UBE3D: variants seen among roughly 807,000 people sequenced by gnomAD.
The protein encoded by UBE3D is ubiquitin protein ligase E3D.
UBE3D carries 48 observed loss-of-function variants against 49.6 expected under a neutral mutation model. That is an observed-to-expected ratio of 0.97 (90% CI 0.77 to 1.23). The LOEUF (loss-of-function observed/expected upper bound fraction) is 1.23. Ranked by LOEUF, UBE3D falls within the 50% of genes most tolerant of loss-of-function variation. UBE3D has a pLI of 0.00. For synonymous variants in UBE3D, 189 were observed against 174.2 expected (o/e 1.08, Z -0.67); for missense variants, 452 against 468.4 (o/e 0.96, Z 0.32).
At chr6:83,001,590 G>A (rs1411918085) in intron 8 of UBE3D, among the ~76,000 whole-genome samples, 5 of 152,138 alleles carry the variant, frequency 3.3e-5, no homozygotes, top group Non-Finnish European at 1.5e-5. Context: ...AGGATGCTGG[G>A]CAATATCTTC....
At position 83,044,664 on chromosome 6, in the gene UBE3D, T is replaced by C. The variant is rs758080570; in HGVS notation, c.366-5A>G. On this transcript the variant is annotated splice_region_variant and splice_polypyrimidine_tract_variant and intron_variant, in intron 3 of 9. Transcript: ENST00000369747. The stretch of plus-strand genomic sequence containing the variant: ...GGGAGCACCCTGAGGAGCTTCCTAG[T>C]GGAAAGAGGAAAAATCATTTTTCAC... The C allele has an allele frequency of 6.9e-6, 11 of 1,601,940 alleles. No homozygotes were observed. Among genetic ancestry groups the C allele is most frequent in the Non-Finnish European group, 9.4e-6 (11 of 1,172,502 alleles).
At chr6:82,971,383 A>G (rs1777341134) in intron 8 of UBE3D, among the ~76,000 whole-genome samples, 1 of 151,890 alleles carries the variant, frequency 6.6e-6, no homozygotes, top group Non-Finnish European at 1.5e-5. Context: ...GGGTTGAGAC[A>G]TAATAAATTA....
intron 5 of UBE3D, among the ~76,000 whole-genome samples, chr6:83,026,198 C>A (rs139656742): frequency 6.6e-6 from 1 of 152,180 alleles, no homozygotes; most frequent in African/African-American, 2.4e-5. Flanking sequence ...TTAATCCCAG[C>A]ACTTTGGAAG....
intron 5 of UBE3D, among the ~76,000 whole-genome samples, chr6:83,033,389 A>T (rs1782017587): frequency 6.6e-6 from 1 of 152,040 alleles, no homozygotes; most frequent in Non-Finnish European, 1.5e-5. Flanking sequence ...TCAGAACTAT[A>T]TCACTGATAT....
intron 1 of UBE3D, among the ~76,000 whole-genome samples, 195 bp from the exon 2 acceptor site, chr6:83,058,217 T>C (rs1032381223): frequency 6.6e-6 from 1 of 152,280 alleles, no homozygotes; most frequent in East Asian, 1.9e-4. Context: ...CAGAGTGCCC[T>C]TCACCATCAC....
chr6:83,060,097 C>T (rs1028806962), intron 1 of UBE3D, among the ~76,000 whole-genome samples: 1 of 152,216 alleles, frequency 6.6e-6, no homozygotes, highest in African/African-American at 2.4e-5. Flanking sequence ...CTAAATCTAA[C>T]TACCTCCCAA....
downstream of UBE3D, among the ~76,000 whole-genome samples, chr6:82,889,190 A>G (rs1770938964): frequency 6.6e-6 from 1 of 152,226 alleles, no homozygotes; most frequent in African/African-American, 2.4e-5. Flanking sequence ...TCATTCCTAC[A>G]TTCCTGAATA....
At chr6:82,884,390 A>C in the UBE3D span, among the ~76,000 whole-genome samples, 2 of 152,202 alleles carry the variant, frequency 1.3e-5, no homozygotes, top group African/African-American at 4.8e-5. Flanking sequence ...ATAAAGTGAC[A>C]GATGCCATGA....
chr6:82,986,628 GAAAA>G (rs1018561133), intron 8 of UBE3D, among the ~76,000 whole-genome samples: 1 of 147,786 alleles, frequency 6.8e-6, no homozygotes, highest in Non-Finnish European at 1.5e-5. Context: ...TAGGTGACTT[GAAAA>G]AAATATATAC....
chr6:83,001,473 T>C (rs933666945), intron 8 of UBE3D, among the ~76,000 whole-genome samples: 2 of 152,218 alleles, frequency 1.3e-5, no homozygotes, highest in African/African-American at 4.8e-5. Flanking sequence ...TCTAGTTTCA[T>C]TGAAAATGCC....
At chr6:82,934,204 C>G (rs1040161469) in intron 9 of UBE3D, among the ~76,000 whole-genome samples, 4 of 152,158 alleles carry the variant, frequency 2.6e-5, no homozygotes, top group African/African-American at 9.7e-5. Flanking sequence ...GCCTTGCTTC[C>G]CCTTCCACCA....
chr6:82,970,988 C>G (rs894302672), intron 8 of UBE3D, among the ~76,000 whole-genome samples: 2 of 152,276 alleles, frequency 1.3e-5, no homozygotes, highest in Admixed American at 1.3e-4. Context: ...TCATTACCAT[C>G]TTTTATATAA....
intron 8 of UBE3D, among the ~76,000 whole-genome samples, chr6:82,972,941 GT>G (rs1777455783): frequency 6.6e-6 from 1 of 152,092 alleles, no homozygotes. Flanking sequence ...ATGTTTAACA[GT>G]ATTGTTTTAA....
intron 8 of UBE3D, among the ~76,000 whole-genome samples, chr6:83,005,155 G>C (rs911574550): frequency 6.6e-6 from 1 of 152,116 alleles, no homozygotes; most frequent in Non-Finnish European, 1.5e-5. Flanking sequence ...AAAAGGAATT[G>C]ATTAAAAAGG....
At chr6:83,045,887 C>A (rs1182588951) in intron 3 of UBE3D, among the ~76,000 whole-genome samples, 5 of 152,108 alleles carry the variant, frequency 3.3e-5, no homozygotes, top group African/African-American at 1.2e-4. Context: ...CTAGTCTCGT[C>A]TGGTCTATAA....
intron 9 of UBE3D, among the ~76,000 whole-genome samples, chr6:82,926,239 C>T (rs967638639): frequency 2.0e-5 from 3 of 152,006 alleles, no homozygotes; most frequent in Non-Finnish European, 4.4e-5. Flanking sequence ...TTTAGACTGG[C>T]TTTTTTCACC....
chr6:83,018,769 T>C (rs2127768851), intron 8 of UBE3D: 1 of 598,460 alleles, frequency 1.7e-6, no homozygotes, highest in Non-Finnish European at 2.7e-6. Flanking sequence ...TAATTTTTGG[T>C]AAAAGCAAGC....
intron 8 of UBE3D, among the ~76,000 whole-genome samples, chr6:82,986,918 C>T (rs1778558126): frequency 6.6e-6 from 1 of 151,206 alleles, no homozygotes; most frequent in South Asian, 2.1e-4. Context: ...AAAAAGCCTG[C>T]CCGCCTTTCC....
At chr6:82,970,602 G>A (rs1207553220) in intron 8 of UBE3D, among the ~76,000 whole-genome samples, 1 of 152,176 alleles carries the variant, frequency 6.6e-6, no homozygotes, top group Non-Finnish European at 1.5e-5. Flanking sequence ...CACTTTGGGA[G>A]GTCGAGGCGG....
Sources: gnomAD v4.1 joint callset for allele counts (sites outside exome capture counted in the v4.1 genomes callset) on GRCh38, gnomAD v4.1.1 for gene constraint, MANE v1.5 for transcripts, NCBI Gene and HGNC (gene_info 2026-07-23, HGNC 2026-07-21) for gene names.